UGT2A1: variants seen among roughly 807,000 people sequenced by gnomAD.
UGT2A1 encodes UDP glucuronosyltransferase family 2 member A1 complex locus, also known as UDP-glucuronosyltransferase 2A1.
A neutral mutation model predicts 45.4 loss-of-function variants in UGT2A1; 61 were observed. That is an observed-to-expected ratio of 1.34 (90% CI 1.09 to 1.66). UGT2A1 has a LOEUF of 1.66. Among genes scored for constraint, UGT2A1 ranks in the 40% most tolerant of loss-of-function variants. UGT2A1 has a pLI of 0.00. For missense variants in UGT2A1, 649 were observed against 574.3 expected (o/e 1.13, Z -1.33); for synonymous variants, 229 against 196.2 (o/e 1.17, Z -1.40).
At chr4:69,646,217 T>A (rs1241146916) in intron 2 of UGT2A1, among the ~76,000 whole-genome samples, 1 of 151,810 alleles carries the variant, frequency 6.6e-6, no homozygotes, top group African/African-American at 2.4e-5. Flanking sequence ...TAATGAAGAA[T>A]AAATGATAAA....
chr4:69,589,224 A>T lies in UGT2A1; in HGVS notation c.*148T>A. ...ATGCCAAAATCTAGGCTTTATCAGT[A>T]GGCTTATCGCAGGTAGAGAAATAGA... On this transcript the variant is annotated 3_prime_UTR_variant, in exon 7 of 7. Transcript: ENST00000286604. 1 of 1,012,842 alleles carries T rather than the reference A, an allele frequency of 9.9e-7. No individual in the cohort carries two copies. The highest frequency in any genetic ancestry group is 1.4e-6 in the Non-Finnish European group (1 of 735,728). 62.7% of individuals were successfully genotyped at this position (1,012,842 alleles called of 1,614,324 possible). A position where few individuals can be genotyped will look rare whatever the true frequency, so the allele number is the denominator to read the frequency against.
intron 3 of UGT2A1, among the ~76,000 whole-genome samples, chr4:69,623,860 C>A (rs951959706): frequency 6.6e-6 from 1 of 151,370 alleles, no homozygotes; most frequent in Non-Finnish European, 1.5e-5. Flanking sequence ...AAGACTTGAG[C>A]AAAAGCATTT....
intron 3 of UGT2A1, among the ~76,000 whole-genome samples, chr4:69,613,888 T>C (rs775455838): frequency 6.6e-6 from 1 of 152,016 alleles, no homozygotes; most frequent in Admixed American, 6.6e-5. Flanking sequence ...TGAGTACAAA[T>C]TGAAAGCCTT....
intron 3 of UGT2A1, among the ~76,000 whole-genome samples, chr4:69,603,017 A>C (rs1577955722): frequency 7.4e-6 from 1 of 135,606 alleles, no homozygotes; most frequent in East Asian, 2.1e-4. Context: ...CAGTGAGCCA[A>C]GATCACGCCA....
intron 3 of UGT2A1, among the ~76,000 whole-genome samples, chr4:69,618,197 G>GTGTGTGTGTGTATGTT (rs1202654143): frequency 1.9e-4 from 16 of 84,646 alleles, no homozygotes; most frequent in East Asian, 7.8e-4. Flanking sequence ...ATGTGTGTGT[G>GTGTGTGTGTGTATGTT]TGTGTGTGTG....
chr4:69,610,912 T>C (rs1025794599), intron 3 of UGT2A1, among the ~76,000 whole-genome samples: 1 of 152,182 alleles, frequency 6.6e-6, no homozygotes, highest in Non-Finnish European at 1.5e-5. Flanking sequence ...AATTAGCTAA[T>C]CTTTTTCATA....
chr4:69,598,793 C>G (rs4148299), intron 4 of UGT2A1, among the ~76,000 whole-genome samples: 59,232 of 151,758 alleles, frequency 0.39, 11,820 homozygotes, highest in East Asian at 0.56. Context: ...AAGAGCCCTG[C>G]CTTATTTCAT....
chr4:69,614,465 T>C (rs1484636057), intron 3 of UGT2A1, among the ~76,000 whole-genome samples: 2 of 151,586 alleles, frequency 1.3e-5, no homozygotes, highest in African/African-American at 4.8e-5. Context: ...TTAAAAAATA[T>C]ATATATATCT....
At chr4:69,603,743 C>G (rs1719436825) in intron 3 of UGT2A1, 1 of 136,640 alleles carries the variant, frequency 7.3e-6, no homozygotes, top group Admixed American at 7.2e-5. Context: ...GAGCTGAAAA[C>G]CAAGGCACAA....
At chr4:69,620,510 C>T (rs562490240) in intron 3 of UGT2A1, among the ~76,000 whole-genome samples, 32 of 151,972 alleles carry the variant, frequency 2.1e-4, no homozygotes, top group African/African-American at 7.7e-4. Context: ...ACATTTCATG[C>T]TCATAGATAG....
chr4:69,595,259 AT>A lies in UGT2A1; in HGVS notation c.997-11del. Reference sequence around the variant, plus strand: ...TGTATCTCCATAAAACCTGTGGAAAATGGTGCTTTAATTTTGCAAGGAAAAA... The same window carrying A: ...TGTATCTCCATAAAACCTGTGGAAAAGGTGCTTTAATTTTGCAAGGAAAAA... On this transcript the variant is annotated splice_polypyrimidine_tract_variant and intron_variant, in intron 4 of 6. Transcript: ENST00000286604. 1 of 1,613,264 alleles carries A rather than the reference AT, an allele frequency of 6.2e-7. No homozygotes were observed. Among genetic ancestry groups the A allele is most frequent in the Non-Finnish European group, 8.5e-7 (1 of 1,179,718 alleles).
In UGT2A1 at chr4:69,607,310, A is replaced by C. The variant is rs979130479; in HGVS notation, c.848-7916T>G. Among the ~76,000 whole-genome samples, 9 of 151,394 alleles carry C rather than the reference A, an allele frequency of 5.9e-5. 1 individual carries two copies. Among genetic ancestry groups the C allele is most frequent in the East Asian group, 5.8e-4 (3 of 5,156 alleles). On this transcript the variant is annotated intron_variant, in intron 3 of 6. Transcript: ENST00000286604. ...CTTTGACAAACCTGACAAAAACAAG[A>C]AATGGGGAAATGATTCCCTATTTAA...
At chr4:69,592,464 C>T (rs1432324) in intron 6 of UGT2A1, among the ~76,000 whole-genome samples, 4 of 151,596 alleles carry the variant, frequency 2.6e-5, no homozygotes, top group African/African-American at 7.3e-5. Flanking sequence ...ACAATAATAG[C>T]GGGAGGGTAA....
At chr4:69,595,555 G>A (rs1219925434) in intron 4 of UGT2A1, among the ~76,000 whole-genome samples, 1 of 152,062 alleles carries the variant, frequency 6.6e-6, no homozygotes, top group Non-Finnish European at 1.5e-5. Flanking sequence ...ACAACATGAA[G>A]GGGAAAAATC....
At chr4:69,591,118 A>T (rs1718571548) in intron 6 of UGT2A1, among the ~76,000 whole-genome samples, 1 of 152,082 alleles carries the variant, frequency 6.6e-6, no homozygotes, top group East Asian at 1.9e-4. Context: ...ATTTTTTTGC[A>T]TCAATAGTTT....
At chr4:69,604,908 C>A (rs1363441365) in intron 3 of UGT2A1, among the ~76,000 whole-genome samples, 1 of 136,530 alleles carries the variant, frequency 7.3e-6, no homozygotes, top group Non-Finnish European at 1.6e-5. Context: ...CAGGAGCACC[C>A]AGATTCATAA....
chr4:69,618,187 A>ATGTGTG lies in UGT2A1; in HGVS notation c.847+17498_847+17503dup, dbSNP rs72430246. Among the ~76,000 whole-genome samples the ATGTGTG allele has an allele frequency of 1.4e-3, 204 of 144,458 alleles. 1 individual carries two copies. The highest frequency in any genetic ancestry group is 6.5e-3 in the South Asian group (29 of 4,476). 94.8% of individuals were successfully genotyped at this position (144,458 alleles called of 152,430 possible). ...TTCACAGATAAATAGGCCAGTAAGC[A>ATGTGTG]TGTGTGTGTGTGTGTGTGTGTGTGT... On this transcript the variant is annotated intron_variant, in intron 3 of 6. Coordinates refer to ENST00000286604, the MANE Select transcript of UGT2A1 (RefSeq NM_001252275.3).
At chr4:69,640,069 T>C (rs990241195) in intron 2 of UGT2A1, among the ~76,000 whole-genome samples, 36 of 152,028 alleles carry the variant, frequency 2.4e-4, no homozygotes, top group African/African-American at 8.5e-4. Flanking sequence ...CAACTGATTG[T>C]TGTCTCCTAT....
chr4:69,609,841 G>A (rs1719927297), intron 3 of UGT2A1, among the ~76,000 whole-genome samples: 1 of 152,156 alleles, frequency 6.6e-6, no homozygotes, highest in South Asian at 2.1e-4. Context: ...AGAATGTCAT[G>A]CTATAGTCAC....
Sources: allele counts gnomAD v4.1 joint callset (sites outside exome capture counted in the v4.1 genomes callset), GRCh38; gene constraint gnomAD v4.1.1; transcripts MANE v1.5; gene names NCBI Gene and HGNC (gene_info 2026-07-23, HGNC 2026-07-21).